CELF2: variants seen among roughly 807,000 people sequenced by gnomAD.
CELF2 encodes the protein CUG triplet repeat RNA-binding protein 2.
In CELF2, 8 loss-of-function variants were observed where a neutral mutation model predicts 62.6. That is an observed-to-expected ratio of 0.13 (90% CI 0.07 to 0.23). The LOEUF (loss-of-function observed/expected upper bound fraction) is 0.23. Among genes scored for constraint, CELF2 ranks in the 10% least tolerant of loss-of-function variants. CELF2 has a pLI of 1.00. For synonymous variants in CELF2, 258 were observed against 250.0 expected (o/e 1.03, Z -0.30); for missense variants, 333 against 671.0 (o/e 0.50, Z 5.56).
At chr10:10,851,351 C>T (rs1328161027) in intron 1 of CELF2, among the ~76,000 whole-genome samples, 1 of 152,170 alleles carries the variant, frequency 6.6e-6, no homozygotes, top group African/African-American at 2.4e-5. Flanking sequence ...CATGCCCTCC[C>T]ACTATAAACA....
Position 11,270,606 on chromosome 10 carries a change from C to T in CELF2, c.619-60C>T, listed in dbSNP as rs1422647351. The T allele has an allele frequency of 5.2e-6, 7 of 1,348,212 alleles. No homozygotes were observed. Among genetic ancestry groups the T allele is most frequent in the Non-Finnish European group, 4.8e-6 (5 of 1,031,800 alleles). 83.5% of individuals were successfully genotyped at this position (1,348,212 alleles called of 1,614,324 possible). ...GAAAGGTAGCTCCGGTGCTGAGTGT[C>T]GTGAGCGGATTCCGCCAGCCTGTAA... On this transcript the variant is annotated intron_variant, in intron 6 of 12. Coordinates refer to ENST00000633077, the MANE Select transcript of CELF2 (RefSeq NM_001326342.2). This position sits in a 1 kb window ranked among gnomAD's most constrained non-coding sequence, Gnocchi z 5.8.
chr10:10,773,743 G>T, the CELF2 span, among the ~76,000 whole-genome samples: 1 of 152,184 alleles, frequency 6.6e-6, no homozygotes, highest in Non-Finnish European at 1.5e-5. Flanking sequence ...ATGCTCCACA[G>T]TTCTGGGATT....
chr10:11,118,955 T>C (rs774879613), intron 1 of CELF2, among the ~76,000 whole-genome samples: 4 of 152,216 alleles, frequency 2.6e-5, no homozygotes, highest in Admixed American at 6.5e-5. Flanking sequence ...CCTGCTCCCC[T>C]GCCAGTCTCC....
At chr10:10,683,068 C>A in the CELF2 span, among the ~76,000 whole-genome samples, 5 of 152,092 alleles carry the variant, frequency 3.3e-5, no homozygotes, top group Non-Finnish European at 5.9e-5. Context: ...AAAATAGCAC[C>A]CAAATTTAAG....
rs666871 is a variant in CELF2 at position 11,156,471 on chromosome 10, G to C, written c.75-9015G>C. ...GCCCTCTTATTTAATACCCTGCAAC[G>C]CCCTCCCCTGCATGCTTTATTTGTC... On this transcript the variant is annotated intron_variant, in intron 1 of 12. Transcript: ENST00000633077. This position sits in a 1 kb window ranked among gnomAD's most constrained non-coding sequence, Gnocchi z 4.3. 0.29 allele frequency among the ~76,000 whole-genome samples: 43,418 copies of C among 151,598 alleles called. 7,203 individuals carry two copies. Among genetic ancestry groups the C allele is most frequent in the East Asian group, 0.74 (3,802 of 5,110 alleles).
chr10:11,328,631 G>A lies in CELF2; in HGVS notation c.1439-295G>A, dbSNP rs1316216163. 6.6e-6 allele frequency among the ~76,000 whole-genome samples: 1 copy of A among 152,254 alleles called. No homozygotes were observed. Among genetic ancestry groups the A allele is most frequent in the Non-Finnish European group, 1.5e-5 (1 of 68,042 alleles). ...AAACACAATGATTTGAGCGAGTTCA[G>A]TAAGTGGAACTGAATTCAGCCAAAC... On this transcript the variant is annotated intron_variant, in intron 12 of 12. Transcript: ENST00000633077. This position sits in a 1 kb window ranked among gnomAD's most constrained non-coding sequence, Gnocchi z 6.4.
At chr10:11,308,838 T>A (rs533905906) in intron 9 of CELF2, among the ~76,000 whole-genome samples, 1 of 126,050 alleles carries the variant, frequency 7.9e-6, no homozygotes, top group East Asian at 2.4e-4. Context: ...GTCTATCACA[T>A]GCTAGGCAGT....
intron 9 of CELF2, among the ~76,000 whole-genome samples, chr10:11,289,732 G>A (rs1384380878): frequency 1.3e-5 from 2 of 152,138 alleles, no homozygotes; most frequent in Non-Finnish European, 2.9e-5. Context: ...CACTATTCCT[G>A]AAAAATCAAC....
the CELF2 span, among the ~76,000 whole-genome samples, chr10:10,462,615 C>CTTTTTTTTTTTTTTTTTTT: frequency 5.9e-4 from 41 of 69,416 alleles, no homozygotes; most frequent in Middle Eastern, 0.014. Flanking sequence ...TTTTTTTCAT[C>CTTTTTTTTTTTTTTTTTTT]TTTTTTTTTT....
the CELF2 span, among the ~76,000 whole-genome samples, chr10:10,643,532 A>G: frequency 6.6e-6 from 1 of 152,184 alleles, no homozygotes; most frequent in Non-Finnish European, 1.5e-5. Flanking sequence ...ACCCAGTCTC[A>G]GGTATGTCCT....
Position 10,931,304 on chromosome 10 carries a change from A to G in CELF2, c.89+11305A>G, listed in dbSNP as rs1054103232. On this transcript the variant is annotated intron_variant, in intron 2 of 13. Transcript: ENST00000636488. This position sits in a 1 kb window ranked among gnomAD's most constrained non-coding sequence, Gnocchi z 6.1. ...GGCAGTGACATGAGCCAGCAGAGAA[A>G]ATAAATTCCCCATTAGGCCTGACTA... is the stretch of plus-strand genomic sequence containing the variant. 3.9e-5 allele frequency among the ~76,000 whole-genome samples: 6 copies of G among 152,234 alleles called. No homozygotes were observed. Among genetic ancestry groups the G allele is most frequent in the Admixed American group, 2.0e-4 (3 of 15,288 alleles).
the CELF2 span, among the ~76,000 whole-genome samples, chr10:10,635,398 T>C: frequency 6.6e-6 from 1 of 152,190 alleles, no homozygotes; most frequent in Non-Finnish European, 1.5e-5. Flanking sequence ...AGATTCCATG[T>C]ACCAGTTTAT....
At chr10:10,736,383 TC>T in the CELF2 span, among the ~76,000 whole-genome samples, 2 of 86,300 alleles carry the variant, frequency 2.3e-5, no homozygotes, top group South Asian at 3.0e-4. Context: ...TTTCTTTCTT[TC>T]TTTCTTTCTT....
At chr10:10,840,056 G>C (rs1434271868) in intron 1 of CELF2, among the ~76,000 whole-genome samples, 5 of 152,082 alleles carry the variant, frequency 3.3e-5, no homozygotes, top group African/African-American at 1.2e-4. Flanking sequence ...TTCTATCACT[G>C]AATAGTGTTC....
intron 2 of CELF2, among the ~76,000 whole-genome samples, chr10:10,971,344 G>A (rs771429108): frequency 3.9e-5 from 6 of 152,256 alleles, no homozygotes; most frequent in East Asian, 1.9e-4. Context: ...TGTTGAGCAC[G>A]TACGCTTCCA....
chr10:10,689,265 C>T, the CELF2 span, among the ~76,000 whole-genome samples: 1 of 152,086 alleles, frequency 6.6e-6, no homozygotes, highest in Non-Finnish European at 1.5e-5. Context: ...ACCTTCTTCA[C>T]ATGGTGGCAG....
chr10:10,595,261 A>G, the CELF2 span, among the ~76,000 whole-genome samples: 5 of 152,302 alleles, frequency 3.3e-5, no homozygotes, highest in South Asian at 1.0e-3. Flanking sequence ...AGGCCTGAAG[A>G]CTCAAAGCTA....
the CELF2 span, among the ~76,000 whole-genome samples, chr10:10,586,572 A>G: frequency 0.011 from 1,677 of 152,278 alleles, 41 homozygotes; most frequent in East Asian, 0.066. Flanking sequence ...AGTTCAAGGG[A>G]AGCTATGCCG....
At chr10:11,096,485 A>G (rs1389774785) in intron 1 of CELF2, 1 of 152,232 alleles carries the variant, frequency 6.6e-6, no homozygotes, top group African/African-American at 2.4e-5. Flanking sequence ...AGAGTAAATC[A>G]CTAAAAACAA....
Sources: allele counts gnomAD v4.1 joint callset (sites outside exome capture counted in the v4.1 genomes callset), GRCh38; gene constraint gnomAD v4.1.1; non-coding constraint Gnocchi (gnomAD v3.1); transcripts MANE v1.5; gene names NCBI Gene and HGNC (gene_info 2026-07-23, HGNC 2026-07-21).